The following CIMIP6 variants were observed in gnomAD, a reference collection of about 807,000 sequenced individuals.
The protein encoded by CIMIP6 is uncharacterized protein C2orf73.
chr2:54,344,056 C>A, the CIMIP6 span, among the ~76,000 whole-genome samples: 1 of 152,258 alleles, frequency 6.6e-6, no homozygotes, highest in African/African-American at 2.4e-5. Flanking sequence ...CAGTTTGTCT[C>A]CAAATGCAGT....
At chr2:54,352,830 T>C in the CIMIP6 span, among the ~76,000 whole-genome samples, 1 of 152,224 alleles carries the variant, frequency 6.6e-6, no homozygotes, top group Non-Finnish European at 1.5e-5. Context: ...GTGTTTTTTA[T>C]TTGTATTATT....
At chr2:54,340,361 T>C in the CIMIP6 span, among the ~76,000 whole-genome samples, 2 of 152,168 alleles carry the variant, frequency 1.3e-5, no homozygotes, top group Non-Finnish European at 2.9e-5. Context: ...TGTTAGTCTT[T>C]CCCTTCAGTA....
At chr2:54,342,310 C>A in the CIMIP6 span, among the ~76,000 whole-genome samples, 1 of 152,170 alleles carries the variant, frequency 6.6e-6, no homozygotes, top group Non-Finnish European at 1.5e-5. Context: ...GAACCAGATT[C>A]TTCTCTCCAA....
At chr2:54,360,557 G>T in the CIMIP6 span, 1 of 1,485,694 alleles carries the variant, frequency 6.7e-7, no homozygotes, top group Non-Finnish European at 8.9e-7. Context: ...TAAAAAATCA[G>T]AATAAATTAC....
At chr2:54,343,166 T>C in the CIMIP6 span, among the ~76,000 whole-genome samples, 18 of 152,280 alleles carry the variant, frequency 1.2e-4, no homozygotes, top group South Asian at 3.3e-3. Flanking sequence ...TAAAATAGAA[T>C]AGAAAAATAG....
the CIMIP6 span, chr2:54,343,746 A>C: frequency 6.2e-7 from 1 of 1,608,986 alleles, no homozygotes; most frequent in East Asian, 2.2e-5. Flanking sequence ...ATGGTAAAGC[A>C]CTGGAACCTG....
chr2:54,370,996 G>A, the CIMIP6 span, among the ~76,000 whole-genome samples: 1 of 152,194 alleles, frequency 6.6e-6, no homozygotes, highest in Non-Finnish European at 1.5e-5. Context: ...GTTATGACAG[G>A]CATTTGATCT....
the CIMIP6 span, among the ~76,000 whole-genome samples, chr2:54,378,704 T>C: frequency 6.6e-6 from 1 of 152,114 alleles, no homozygotes; most frequent in African/African-American, 2.4e-5. Flanking sequence ...GAAAAAGAAG[T>C]ATTCAACCAA....
chr2:54,330,971 G>C, the CIMIP6 span: 2 of 1,613,420 alleles, frequency 1.2e-6, no homozygotes, highest in East Asian at 2.2e-5. Flanking sequence ...GTGCCGTAGA[G>C]GCCCATGGAG....
At chr2:54,356,601 A>T in the CIMIP6 span, among the ~76,000 whole-genome samples, 1 of 152,128 alleles carries the variant, frequency 6.6e-6, no homozygotes, top group Non-Finnish European at 1.5e-5. Flanking sequence ...GTCAAGATAC[A>T]AAAGAGCTGG....
the CIMIP6 span, among the ~76,000 whole-genome samples, chr2:54,355,119 A>T: frequency 2.0e-5 from 3 of 152,166 alleles, no homozygotes; most frequent in African/African-American, 7.2e-5. Flanking sequence ...TTGGATATAA[A>T]AACTCTAGGC....
the CIMIP6 span, among the ~76,000 whole-genome samples, chr2:54,341,054 TTGAG>T: frequency 6.6e-6 from 1 of 152,198 alleles, no homozygotes; most frequent in Non-Finnish European, 1.5e-5. Context: ...TTCCAGTAAC[TTGAG>T]TATTAGCAAA....
At chr2:54,349,768 G>A in the CIMIP6 span, among the ~76,000 whole-genome samples, 1 of 151,714 alleles carries the variant, frequency 6.6e-6, no homozygotes, top group Non-Finnish European at 1.5e-5. Context: ...TTTAATAGGT[G>A]TAATGCCTGA....
At chr2:54,359,061 C>G in the CIMIP6 span, 1 of 1,507,432 alleles carries the variant, frequency 6.6e-7, no homozygotes, top group Middle Eastern at 1.7e-4. Context: ...CCGAATGAGC[C>G]TCTCCAGGGA....
chr2:54,337,266 G>A, the CIMIP6 span, among the ~76,000 whole-genome samples: 1 of 152,182 alleles, frequency 6.6e-6, no homozygotes, highest in Non-Finnish European at 1.5e-5. Context: ...CCATGGCTGT[G>A]AATGTCAGAT....
the CIMIP6 span, among the ~76,000 whole-genome samples, chr2:54,362,250 T>C: frequency 3.3e-5 from 5 of 151,924 alleles, no homozygotes; most frequent in Non-Finnish European, 7.4e-5. Flanking sequence ...AAATTACAAA[T>C]CACACCAAGA....
At chr2:54,353,121 A>G in the CIMIP6 span, among the ~76,000 whole-genome samples, 1 of 152,196 alleles carries the variant, frequency 6.6e-6, no homozygotes, top group Non-Finnish European at 1.5e-5. Context: ...AGGTAGATGT[A>G]AACTCTGTTG....
the CIMIP6 span, among the ~76,000 whole-genome samples, chr2:54,348,781 T>C: frequency 6.6e-6 from 1 of 152,172 alleles, no homozygotes; most frequent in Non-Finnish European, 1.5e-5. Context: ...CTAATACCAA[T>C]TAAAAGTCAT....
chr2:54,379,981 A>T, the CIMIP6 span, among the ~76,000 whole-genome samples: 1 of 150,478 alleles, frequency 6.6e-6, no homozygotes, highest in South Asian at 2.1e-4. Flanking sequence ...CCTTCTAAAA[A>T]AAAAAAAAAA....
Sources: gnomAD v4.1 joint callset for allele counts (sites outside exome capture counted in the v4.1 genomes callset) on GRCh38, gnomAD v4.1.1 for gene constraint, MANE v1.5 for transcripts, NCBI Gene and HGNC (gene_info 2026-07-23, HGNC 2026-07-21) for gene names.